NTNG1: variants seen among roughly 807,000 people sequenced by gnomAD.
NTNG1 encodes the protein netrin G1.
Under a neutral mutation model 54.0 loss-of-function variants are expected in NTNG1, and 16 were observed. That is an observed-to-expected ratio of 0.30 (90% CI 0.20 to 0.45). The LOEUF (loss-of-function observed/expected upper bound fraction) is 0.45. NTNG1 is among the 20% of genes least tolerant of loss of function. The pLI is 1.00. For synonymous variants in NTNG1, 255 were observed against 263.1 expected, an observed-to-expected ratio of 0.97 and a Z score of 0.30; for missense variants, 530 against 678.7, an observed-to-expected ratio of 0.78 and a Z score of 2.43.
intron 5 of NTNG1, among the ~76,000 whole-genome samples, chr1:107,418,206 A>C (rs1013777687): frequency 6.6e-6 from 1 of 152,102 alleles, no homozygotes; most frequent in African/African-American, 2.4e-5. Context: ...ATTGAGGAGA[A>C]TGGAATCCTC....
chr1:107,364,599 A>G (rs1041507921), intron 3 of NTNG1, among the ~76,000 whole-genome samples: 3 of 152,212 alleles, frequency 2.0e-5, no homozygotes, highest in African/African-American at 4.8e-5. Context: ...GTACTCTCAC[A>G]TGAGCTCTTA....
intron 2 of NTNG1, among the ~76,000 whole-genome samples, chr1:107,250,547 C>G (rs1172458927): frequency 6.9e-6 from 1 of 145,646 alleles, no homozygotes; most frequent in Non-Finnish European, 1.5e-5. Context: ...TATCCCAGAA[C>G]TGAAAGTATA....
At chr1:107,413,168 A>AT (rs376659783) in intron 5 of NTNG1, among the ~76,000 whole-genome samples, 227 of 119,214 alleles carry the variant, frequency 1.9e-3, no homozygotes, top group African/African-American at 5.8e-3. Context: ...TTTTTTTTTC[A>AT]TTTTTTTTTT....
intron 5 of NTNG1, among the ~76,000 whole-genome samples, chr1:107,420,829 C>T (rs1674528670): frequency 6.6e-6 from 1 of 151,976 alleles, no homozygotes; most frequent in Non-Finnish European, 1.5e-5. Context: ...CCTTGCTTCA[C>T]TGGATTCTTG....
intron 6 of NTNG1, among the ~76,000 whole-genome samples, chr1:107,433,900 A>G (rs1474216535): frequency 1.3e-5 from 2 of 152,154 alleles, no homozygotes; most frequent in African/African-American, 4.8e-5. Context: ...GCATGAACCT[A>G]TTTGCTATTT....
chr1:107,455,617 A>G (rs1425877044), intron 7 of NTNG1: 1 of 497,842 alleles, frequency 2.0e-6, no homozygotes. Context: ...TCTACTCCAC[A>G]GCTCTGTGGT....
intron 2 of NTNG1, among the ~76,000 whole-genome samples, chr1:107,174,805 T>G (rs1656516648): frequency 6.6e-6 from 1 of 152,070 alleles, no homozygotes; most frequent in Non-Finnish European, 1.5e-5. Context: ...ATTTATCTTA[T>G]AAATTCAAGG....
At chr1:107,376,551 T>C (rs1188533766) in intron 3 of NTNG1, among the ~76,000 whole-genome samples, 2 of 152,220 alleles carry the variant, frequency 1.3e-5, no homozygotes, top group Non-Finnish European at 2.9e-5. Context: ...GGAAACCCTG[T>C]GAGGAGCCTG....
At position 107,446,593 on chromosome 1, in the gene NTNG1, A is replaced by G. The variant is rs996414258; in HGVS notation, c.1390+9794A>G. On this transcript the variant is annotated intron_variant, in intron 7 of 7. Coordinates refer to ENST00000370068, the MANE Select transcript of NTNG1 (RefSeq NM_001113226.3). ...AATATCAGAGACAATTCTTCTGAAC[A>G]CAGTCCATGACAGTGCTGTGAATGT... 2.6e-5 allele frequency among the ~76,000 whole-genome samples: 4 copies of G among 152,210 alleles called. 1 individual carries two copies. The South Asian group carries it at 6.2e-4, about 24-fold the overall frequency.
intron 2 of NTNG1, among the ~76,000 whole-genome samples, chr1:107,273,095 G>C (rs1426105307): frequency 6.6e-6 from 1 of 152,108 alleles, no homozygotes. Flanking sequence ...TCTCTATGAA[G>C]GCTGTCGATT....
At position 107,483,733 on chromosome 1, in the gene NTNG1, A is replaced by G. The variant is rs1486565948; in HGVS notation, c.*2893A>G. 1.3e-5 allele frequency among the ~76,000 whole-genome samples: 2 copies of G among 152,172 alleles called. No individual in the cohort carries two copies. The highest frequency in any genetic ancestry group is 2.9e-5 in the Non-Finnish European group (2 of 68,032). On this transcript the variant is annotated 3_prime_UTR_variant, in exon 8 of 8. Transcript: ENST00000370068. ...AAAGTGGCTTAATGTAGTCTTGCAT[A>G]TGAGTTAATCTATCAACTTTCCCAC...
At chr1:107,426,848 A>G (rs1261313252) in intron 5 of NTNG1, among the ~76,000 whole-genome samples, 3 of 151,982 alleles carry the variant, frequency 2.0e-5, no homozygotes, top group African/African-American at 7.2e-5. Context: ...TGTTGTCTAC[A>G]ATTTCTCCTA....
rs1570970306 is a variant in NTNG1, at chr1:107,442,072, A to C, written c.1390+5273A>C. Among the ~76,000 whole-genome samples, 4 of 152,154 alleles carry C rather than the reference A, an allele frequency of 2.6e-5. No individual in the cohort carries two copies. The East Asian group carries it at 7.7e-4, about 29-fold the overall frequency. ...GAAAATTTAAACATTCTATCTTCCA[A>C]AATGGGGGAATTCAAATATCAGGAG... On this transcript the variant is annotated intron_variant, in intron 7 of 7. Transcript: ENST00000370068.
intron 2 of NTNG1, among the ~76,000 whole-genome samples, chr1:107,157,339 T>C (rs1655075267): frequency 6.6e-6 from 1 of 152,212 alleles, no homozygotes; most frequent in Non-Finnish European, 1.5e-5. Context: ...GCATTTCAGT[T>C]TTTTGGATTT....
chr1:107,451,018 T>C (rs528701007), intron 7 of NTNG1, among the ~76,000 whole-genome samples: 1 of 152,240 alleles, frequency 6.6e-6, no homozygotes, highest in East Asian at 1.9e-4. Context: ...TATTATCAGC[T>C]TGGTGACTGT....
intron 2 of NTNG1, among the ~76,000 whole-genome samples, chr1:107,261,594 A>G (rs962133744): frequency 2.0e-5 from 3 of 152,254 alleles, no homozygotes; most frequent in Non-Finnish European, 4.4e-5. Flanking sequence ...CTGTAATCCC[A>G]GCACTTTGGG....
At chr1:107,170,800 T>C (rs1388400515) in intron 2 of NTNG1, among the ~76,000 whole-genome samples, 1 of 152,160 alleles carries the variant, frequency 6.6e-6, no homozygotes, top group Non-Finnish European at 1.5e-5. Flanking sequence ...AAGTTACCAT[T>C]GCTGACTCCA....
intron 2 of NTNG1, among the ~76,000 whole-genome samples, chr1:107,265,150 C>T (rs1398427558): frequency 6.6e-6 from 1 of 152,132 alleles, no homozygotes; most frequent in Non-Finnish European, 1.5e-5. Context: ...TCTCAGTTTC[C>T]TCTCTCAGGA....
At chr1:107,465,188 G>T (rs886289934) in intron 7 of NTNG1, among the ~76,000 whole-genome samples, 1 of 152,116 alleles carries the variant, frequency 6.6e-6, no homozygotes, top group Non-Finnish European at 1.5e-5. Context: ...CAGAAGCCAC[G>T]TGAAAAATCA....
Sources: allele counts gnomAD v4.1 joint callset (sites outside exome capture counted in the v4.1 genomes callset), GRCh38; gene constraint gnomAD v4.1.1; transcripts MANE v1.5; gene names NCBI Gene and HGNC (gene_info 2026-07-23, HGNC 2026-07-21).